The following STK32B variants were observed in gnomAD, a reference collection of about 807,000 sequenced individuals.
STK32B encodes serine/threonine kinase 32B, also known as serine/threonine-protein kinase 32B.
In STK32B, 43 loss-of-function variants were observed where a neutral mutation model predicts 52.6. The ratio of observed to expected loss-of-function variants is 0.82; its 90% CI spans 0.64 to 1.05. The LOEUF is 1.05. STK32B is among the 50% of genes least tolerant of loss of function. The pLI, the probability that STK32B is intolerant of heterozygous loss-of-function variation, is 0.00. For synonymous variants in STK32B, 238 were observed against 204.3 expected (o/e 1.17, Z -1.41); for missense variants, 621 against 534.6 (o/e 1.16, Z -1.59).
upstream of STK32B, among the ~76,000 whole-genome samples, chr4:5,051,291 C>T (rs776007166): frequency 4.6e-5 from 7 of 152,066 alleles, no homozygotes; most frequent in South Asian, 4.1e-4. Flanking sequence ...GCTAACAAAG[C>T]GCGTAGCCGA....
chr4:5,106,189 C>G (rs1714100362), intron 1 of STK32B, among the ~76,000 whole-genome samples: 1 of 152,022 alleles, frequency 6.6e-6, no homozygotes, highest in Non-Finnish European at 1.5e-5. Flanking sequence ...GTGATCCCAG[C>G]TACTTGGGAG....
intron 6 of STK32B, among the ~76,000 whole-genome samples, chr4:5,429,558 AAT>A (rs201717189): frequency 1.1e-5 from 1 of 87,140 alleles, no homozygotes; most frequent in Non-Finnish European, 2.1e-5. Flanking sequence ...TTTTACTATA[AAT>A]ATATGTCATT....
chr4:5,389,157 T>C (rs144508438), intron 4 of STK32B, among the ~76,000 whole-genome samples: 82 of 152,352 alleles, frequency 5.4e-4, no homozygotes, highest in African/African-American at 1.9e-3. Context: ...TAAAAAATTG[T>C]TTCCATGCCT....
At chr4:5,025,471 C>G in the STK32B span, among the ~76,000 whole-genome samples, 17 of 152,180 alleles carry the variant, frequency 1.1e-4, no homozygotes, top group African/African-American at 3.1e-4. Flanking sequence ...TCAGCTCTGT[C>G]TCAGCTCAGC....
intron 11 of STK32B, among the ~76,000 whole-genome samples, chr4:5,494,946 C>G (rs1332455555): frequency 1.3e-5 from 2 of 152,200 alleles, no homozygotes; most frequent in Non-Finnish European, 2.9e-5. Flanking sequence ...TAGCGATCAG[C>G]TGTTAGTCTG....
At chr4:5,271,544 G>C (rs1727433188) in intron 3 of STK32B, among the ~76,000 whole-genome samples, 1 of 149,230 alleles carries the variant, frequency 6.7e-6, no homozygotes, top group African/African-American at 2.6e-5. Flanking sequence ...TGTGAAGAAA[G>C]TCATTGGTAG....
At chr4:5,245,344 G>A (rs1441465103) in intron 3 of STK32B, among the ~76,000 whole-genome samples, 2 of 152,090 alleles carry the variant, frequency 1.3e-5, no homozygotes, top group Non-Finnish European at 2.9e-5. Context: ...GGCCTTCTTT[G>A]TCTCTTTTGA....
intron 3 of STK32B, among the ~76,000 whole-genome samples, chr4:5,275,745 C>T (rs1207807908): frequency 6.6e-6 from 1 of 151,892 alleles, no homozygotes; most frequent in South Asian, 2.1e-4. Flanking sequence ...CTGGAAGTGT[C>T]CTCTGTGAGC....
At chr4:5,171,338 T>C (rs1719355323) in intron 3 of STK32B, among the ~76,000 whole-genome samples, 1 of 152,018 alleles carries the variant, frequency 6.6e-6, no homozygotes, top group South Asian at 2.1e-4. Flanking sequence ...AATTTTGGCT[T>C]TTGTTGCCAT....
intron 6 of STK32B, among the ~76,000 whole-genome samples, chr4:5,421,669 C>T (rs1712661635): frequency 6.6e-6 from 1 of 152,326 alleles, no homozygotes; most frequent in Non-Finnish European, 1.5e-5. Flanking sequence ...CAGCCCAGTC[C>T]AGGTTCTTGG....
intron 2 of STK32B, among the ~76,000 whole-genome samples, chr4:5,163,014 A>G (rs1718564922): frequency 6.6e-6 from 1 of 152,240 alleles, no homozygotes; most frequent in Non-Finnish European, 1.5e-5. Flanking sequence ...ATCACTGAGG[A>G]CCACTGACCT....
intron 2 of STK32B, 89 bp downstream of exon 2, chr4:5,140,049 C>G (rs976797448): frequency 3.4e-5 from 52 of 1,540,562 alleles, no homozygotes; most frequent in Non-Finnish European, 4.3e-5. Context: ...TGGGAATGTT[C>G]TGTTTGACAG....
intron 3 of STK32B, among the ~76,000 whole-genome samples, chr4:5,175,319 T>C (rs1719767660): frequency 6.6e-6 from 1 of 152,244 alleles, no homozygotes; most frequent in African/African-American, 2.4e-5. Flanking sequence ...AGTTATTCTC[T>C]GTCCAGCTTT....
At chr4:5,297,123 G>A (rs10213475) in intron 3 of STK32B, among the ~76,000 whole-genome samples, 4,075 of 152,254 alleles carry the variant, frequency 0.027, 72 homozygotes, top group East Asian at 0.072. Flanking sequence ...CGTCTGTCTT[G>A]TAGGGTTTCC....
At position 5,478,032 on chromosome 4, in the gene STK32B, T is replaced by TG. The variant is rs3836545; in HGVS notation, c.1106+9966dup. Among the ~76,000 whole-genome samples the TG allele has an allele frequency of 2.1e-4, 32 of 152,090 alleles. 1 individual carries two copies. The East Asian group carries it at 5.6e-3, about 27-fold the overall frequency. ...AATCAACTGGTACCAGTGCCCAGAA[T>TG]GGGGCCGTGGAAAGAATGCTTAGCT... On this transcript the variant is annotated intron_variant, in intron 11 of 11. Coordinates refer to ENST00000282908, the MANE Select transcript of STK32B (RefSeq NM_018401.3).
chr4:5,237,623 G>C (rs935983077), intron 3 of STK32B, among the ~76,000 whole-genome samples: 1 of 152,222 alleles, frequency 6.6e-6, no homozygotes, highest in African/African-American at 2.4e-5. Context: ...ATGGAAATCT[G>C]TGCAGGAAAT....
chr4:5,317,227 T>TAAC (rs1731069853), intron 3 of STK32B, among the ~76,000 whole-genome samples: 17 of 46,520 alleles, frequency 3.7e-4, no homozygotes, highest in Admixed American at 3.9e-4. Flanking sequence ...ATATATATTA[T>TAAC]ATATAACATA....
chr4:5,178,266 C>T (rs1720082702), intron 3 of STK32B, among the ~76,000 whole-genome samples: 1 of 152,244 alleles, frequency 6.6e-6, no homozygotes. Context: ...AGGCTTGGGG[C>T]TTGCACCCTC....
At chr4:5,431,510 C>CTTTTTTTTT (rs11403448) in intron 6 of STK32B, among the ~76,000 whole-genome samples, 2 of 148,884 alleles carry the variant, frequency 1.3e-5, no homozygotes, top group Non-Finnish European at 1.5e-5. Context: ...TCCAAAAGTC[C>CTTTTTTTTT]TTTTTTTTTT....
Sources: gnomAD v4.1 joint callset for allele counts (sites outside exome capture counted in the v4.1 genomes callset) on GRCh38, gnomAD v4.1.1 for gene constraint, MANE v1.5 for transcripts, NCBI Gene and HGNC (gene_info 2026-07-23, HGNC 2026-07-21) for gene names.